Variants in DNAH11 observed in about 807,000 individuals in gnomAD.
The protein encoded by DNAH11 is axonemal beta dynein heavy chain 11.
Under a neutral mutation model 526.0 loss-of-function variants are expected in DNAH11, and 442 were observed. The observed-to-expected ratio is 0.84, with a 90% confidence interval of 0.78 to 0.91. The LOEUF (loss-of-function observed/expected upper bound fraction) is 0.91. Among genes scored for constraint, DNAH11 ranks in the 40% least tolerant of loss-of-function variants. DNAH11 has a pLI of 0.00. For synonymous variants in DNAH11, 2,461 were observed against 1,935.9 expected, an observed-to-expected ratio of 1.27 and a Z score of -7.12; for missense variants, 6,989 against 5,448.7, an observed-to-expected ratio of 1.28 and a Z score of -8.90.
rs548407938 is a variant in DNAH11, at chr7:21,765,719, C to A, written c.9102+130C>A. 16 of 1,253,836 alleles carry A rather than the reference C, an allele frequency of 1.3e-5. No individual in the cohort carries two copies. In the African/African-American group the frequency reaches 2.1e-4, roughly 16 times the overall value. 77.7% of individuals were successfully genotyped at this position (1,253,836 alleles called of 1,614,324 possible). A position where few individuals can be genotyped will look rare whatever the true frequency, so the allele number is the denominator to read the frequency against. ...GTACATCTCCTATCAGAAAGCTATC[C>A]TGATTTGTTTAAGATGCTAAACTTA... On this transcript the variant is annotated intron_variant, in intron 55 of 81. Coordinates refer to ENST00000409508, the MANE Select transcript of DNAH11 (RefSeq NM_001277115.2).
rs376735165 is a variant in DNAH11 at position 21,901,160 on chromosome 7, G to A, written c.13457G>A (p.Arg4486Lys). Reference protein sequence around the residue: ...YECPVYRTKLRGPSYIWTFRL... With the variant: ...YECPVYRTKLKGPSYIWTFRL... ...TGCCCTGTGTATAGAACCAAACTGA[G>A]AGGCCCCAGCTACATCTGGACCTTC... Residue 4486 changes from arginine to lysine, a missense_variant, in exon 82 of 82, where the codon AGA becomes AAA. Transcript: ENST00000409508. The A allele has an allele frequency of 1.2e-5, 20 of 1,612,220 alleles. No homozygotes were observed. Among genetic ancestry groups the A allele is most frequent in the Non-Finnish European group, 1.6e-5 (19 of 1,178,552 alleles).
At position 21,735,706 on chromosome 7, in the gene DNAH11, G is replaced by GGTT. The variant is rs797045086; in HGVS notation, c.7508_7509insTTG (p.Gly2503_Lys2504insTer). ...TTTCATGGAGTTGTTGCTTGAGAAA[G>GGTT]GAAAACCTCTAATGCTAGTAGGAAA... On this transcript the variant is annotated stop_gained and inframe_insertion, in exon 46 of 82. Transcript: ENST00000409508. LOFTEE classifies it high-confidence loss of function. The GGTT allele has an allele frequency of 6.2e-7, 1 of 1,613,758 alleles. No homozygotes were observed.
intron 61 of DNAH11, among the ~76,000 whole-genome samples, chr7:21,796,503 T>C (rs1788719305): frequency 6.6e-6 from 1 of 151,972 alleles, no homozygotes; most frequent in African/African-American, 2.4e-5. Flanking sequence ...TTATAAACAG[T>C]TTATAAACTG....
chr7:21,580,780 G>A (rs111258597), intron 8 of DNAH11, among the ~76,000 whole-genome samples: 9 of 152,274 alleles, frequency 5.9e-5, no homozygotes, highest in South Asian at 2.1e-4. Flanking sequence ...TGATACTATC[G>A]TATTGAGGGT....
At chr7:21,850,354 C>CA (rs34141787) in intron 66 of DNAH11, among the ~76,000 whole-genome samples, 66,013 of 121,808 alleles carry the variant, frequency 0.54, 19,268 homozygotes, top group Non-Finnish European at 0.7. Flanking sequence ...GACTCTGTCT[C>CA]AAAAAAAAAA....
chr7:21,607,866 A>G (rs893027547), intron 20 of DNAH11, among the ~76,000 whole-genome samples: 1 of 138,802 alleles, frequency 7.2e-6, no homozygotes, highest in Non-Finnish European at 1.5e-5. Context: ...TGAACCCAGG[A>G]GGCAGAGATT....
Position 21,581,970 on chromosome 7 carries a change from A to T in DNAH11, c.1659A>T (p.Thr553=), listed in dbSNP as rs1410204633. 5 of 1,613,450 alleles carry T rather than the reference A, an allele frequency of 3.1e-6. No individual in the cohort carries two copies. The highest frequency in any genetic ancestry group is 1.7e-5 in the Admixed American group (1 of 59,990). ...TGGAATTTGACAGAAGGCTTGGGAC[A>T]ATTATTTGTGAAGCTTTCTTTAACT... ...KTLEFDRRLG[T]IICEAFFNCN... is the part of the protein sequence containing the mutation. Residue 553 remains threonine, a synonymous_variant, in exon 9 of 82, where the codon ACA becomes ACT. Transcript: ENST00000409508.
In DNAH11 at chr7:21,873,428, C is replaced by T; in HGVS notation, c.12122C>T (p.Ser4041Phe). 1 of 1,613,946 alleles carries T rather than the reference C, an allele frequency of 6.2e-7. No individual in the cohort carries two copies. Among genetic ancestry groups the T allele is most frequent in the Non-Finnish European group, 8.5e-7 (1 of 1,179,876 alleles). Residue 4041 changes from serine (S) to phenylalanine (F), a missense_variant, in exon 74 of 82, where the codon TCC becomes TTC. Coordinates refer to ENST00000409508, the MANE Select transcript of DNAH11 (RefSeq NM_001277115.2). ...ATCCCTCAAGGACTCCTGGAAAATT[C>T]CATTAAGATCACTAATGAACCCCCA... is the stretch of plus-strand genomic sequence containing the variant. Reference protein sequence around the residue: ...HIIPQGLLENSIKITNEPPTG... With the variant: ...HIIPQGLLENFIKITNEPPTG...
chr7:21,624,282 C>G (rs1425881195), intron 25 of DNAH11, among the ~76,000 whole-genome samples: 1 of 152,042 alleles, frequency 6.6e-6, no homozygotes, highest in African/African-American at 2.4e-5. Flanking sequence ...TATTTCACCT[C>G]CTTTGGTTAA....
At chr7:21,621,810 G>T (rs1037922221) in intron 25 of DNAH11, among the ~76,000 whole-genome samples, 18 of 152,108 alleles carry the variant, frequency 1.2e-4, no homozygotes, top group Non-Finnish European at 2.1e-4. Context: ...GTATTGATGG[G>T]ACGTATCTCA....
Position 21,787,520 on chromosome 7 carries a change from A to G in DNAH11, c.9861A>G (p.Arg3287=). ...KDPEFNPNLI[R]TKSFAAAGLC... is the part of the protein sequence containing the mutation. ...CAGAGTTTAATCCAAACCTGATTCG[A>G]ACCAAATCTTTTGCAGCAGCTGGCC... is the stretch of plus-strand genomic sequence containing the variant. The change falls in exon 60 of 82, where the codon CGA becomes CGG. Residue 3287 remains arginine, a synonymous_variant. Coordinates refer to ENST00000409508, the MANE Select transcript of DNAH11 (RefSeq NM_001277115.2). The G allele has an allele frequency of 6.2e-7, 1 of 1,613,696 alleles. No individual in the cohort carries two copies. The highest frequency in any genetic ancestry group is 1.1e-5 in the South Asian group (1 of 90,992).
rs985116746 is a variant in DNAH11, at chr7:21,831,597, T to TC, written c.10692-10940dup. ...CCTTTCCAACAGCATGGCAGCATCCTCCCCCCCTCTATTAACCTCTCTTTT... is the reference window on the plus strand; with the variant it reads ...CCTTTCCAACAGCATGGCAGCATCCTCCCCCCCCTCTATTAACCTCTCTTTT... On this transcript the variant is annotated intron_variant, in intron 65 of 81. Coordinates refer to ENST00000409508, the MANE Select transcript of DNAH11 (RefSeq NM_001277115.2). 5.3e-5 allele frequency among the ~76,000 whole-genome samples: 8 copies of TC among 151,918 alleles called. No homozygotes were observed. The South Asian group carries it at 6.3e-4, about 12-fold the overall frequency.
chr7:21,716,739 C>T (rs1035454459), intron 42 of DNAH11, among the ~76,000 whole-genome samples: 2 of 152,208 alleles, frequency 1.3e-5, no homozygotes, highest in African/African-American at 4.8e-5. Flanking sequence ...CACACAGGGA[C>T]ATTCTATCAG....
At chr7:21,561,717 C>T (rs1350330340) in intron 5 of DNAH11, among the ~76,000 whole-genome samples, 1 of 152,170 alleles carries the variant, frequency 6.6e-6, no homozygotes, top group Non-Finnish European at 1.5e-5. Flanking sequence ...CATCCTTGTC[C>T]TTCCACTCTC....
intron 61 of DNAH11, among the ~76,000 whole-genome samples, chr7:21,792,577 T>G (rs1788522225): frequency 6.6e-6 from 1 of 152,208 alleles, no homozygotes; most frequent in Non-Finnish European, 1.5e-5. Flanking sequence ...CATTACTCAT[T>G]ACTGGTTTGT....
intron 61 of DNAH11, among the ~76,000 whole-genome samples, chr7:21,798,549 G>T (rs910412186): frequency 8.5e-5 from 13 of 152,180 alleles, no homozygotes; most frequent in Admixed American, 3.9e-4. Flanking sequence ...CATTAAGTTG[G>T]TCCAGGACTC....
intron 1 of DNAH11, among the ~76,000 whole-genome samples, chr7:21,543,946 G>T (rs1296896635): frequency 6.6e-6 from 1 of 152,124 alleles, no homozygotes; most frequent in Non-Finnish European, 1.5e-5. Context: ...AGTTGCTCTT[G>T]GGTCACTCTG....
intron 81 of DNAH11, 70 bp from the exon 82 acceptor site, chr7:21,900,937 A>G: frequency 8.2e-7 from 1 of 1,222,074 alleles, no homozygotes; most frequent in African/African-American, 2.0e-5. Flanking sequence ...ATTGCATCAA[A>G]CAACTTACTT....
At chr7:21,880,084 CAAAAAAA>C (rs57931095) in intron 74 of DNAH11, among the ~76,000 whole-genome samples, 22 of 93,744 alleles carry the variant, frequency 2.3e-4, no homozygotes, top group Middle Eastern at 0.011. Context: ...GACTCCGTCT[CAAAAAAA>C]AAAAAAAAAA....
Sources: gnomAD v4.1 joint callset for allele counts (sites outside exome capture counted in the v4.1 genomes callset) on GRCh38, gnomAD v4.1.1 for gene constraint, MANE v1.5 for transcripts, NCBI Gene and HGNC (gene_info 2026-07-23, HGNC 2026-07-21) for gene names.